The following NINJ2 variants were observed in gnomAD, a reference collection of about 807,000 sequenced individuals.
NINJ2 encodes the protein ninjurin-2.
A neutral mutation model predicts 11.7 loss-of-function variants in NINJ2; 12 were observed. That is an observed-to-expected ratio of 1.02 (90% confidence interval 0.66 to 1.66). The LOEUF is 1.66. Among genes scored for constraint, NINJ2 ranks in the 40% most tolerant of loss-of-function variants. NINJ2 has a pLI of 0.00. For synonymous variants in NINJ2, 93 were observed against 76.8 expected (o/e 1.21, Z -1.10); for missense variants, 187 against 181.8 (o/e 1.03, Z -0.16).
At chr12:660,553 A>G (rs1937944741) in intron 1 of NINJ2, among the ~76,000 whole-genome samples, 1 of 151,764 alleles carries the variant, frequency 6.6e-6, no homozygotes, top group Non-Finnish European at 1.5e-5. Context: ...GTTGGCCAGG[A>G]TGGTCTGCAA....
Position 580,793 on chromosome 12 carries a change from T to C in NINJ2, c.34-14615A>G, listed in dbSNP as rs374942186. 1.6e-3 allele frequency among the ~76,000 whole-genome samples: 245 copies of C among 152,144 alleles called. No homozygotes were observed. The highest frequency in any genetic ancestry group is 2.7e-3 in the Non-Finnish European group (184 of 67,998). On this transcript the variant is annotated intron_variant, in intron 1 of 3. Transcript: ENST00000305108. The surrounding 1 kb of genome is among the most constrained non-coding windows in gnomAD (Gnocchi z 4.7). ...ATGCCACGGCAGCCACAATGTGTTTTCTGTGTGTGTGTGTCTGTGTGTATG... is the reference window on the plus strand; with the variant it reads ...ATGCCACGGCAGCCACAATGTGTTTCCTGTGTGTGTGTGTCTGTGTGTATG...
chr12:596,397 TC>T (rs1019834608), intron 1 of NINJ2, among the ~76,000 whole-genome samples: 1 of 152,178 alleles, frequency 6.6e-6, no homozygotes, highest in African/African-American at 2.4e-5. Context: ...CAACGCAGCT[TC>T]ATTAGCTGCA....
chr12:658,257 G>A (rs190720293), intron 1 of NINJ2, among the ~76,000 whole-genome samples: 3 of 152,020 alleles, frequency 2.0e-5, no homozygotes, highest in East Asian at 1.9e-4. Flanking sequence ...CACTCACCTC[G>A]GCCTCCCAAA....
rs1170975300 is a variant in NINJ2 at position 566,181 on chromosome 12, G to C, written c.34-3C>G. ...CTCCTGGGGTCGGAGCTTCCAGGCTGTAGGGGAGAAAGCACAGACTTACCA... is the reference window on the plus strand; with the variant it reads ...CTCCTGGGGTCGGAGCTTCCAGGCTCTAGGGGAGAAAGCACAGACTTACCA... On this transcript the variant is annotated splice_region_variant and splice_polypyrimidine_tract_variant and intron_variant, in intron 1 of 3. Transcript: ENST00000305108. 6.2e-7 allele frequency: 1 copy of C among 1,611,760 alleles called. No individual in the cohort carries two copies.
chr12:594,162 C>G (rs1240420377), intron 1 of NINJ2, among the ~76,000 whole-genome samples: 1 of 152,084 alleles, frequency 6.6e-6, no homozygotes, highest in African/African-American at 2.4e-5. Context: ...TCACAGATGA[C>G]AAGATTGTCT....
intron 2 of NINJ2, 31 bp from the exon 3 acceptor site, chr12:565,432 C>A: frequency 6.2e-7 from 1 of 1,607,166 alleles, no homozygotes; most frequent in Non-Finnish European, 8.5e-7. Context: ...GGGAAAGGGT[C>A]AGAGACGGGG....
chr12:596,185 G>A (rs919998370), intron 1 of NINJ2, among the ~76,000 whole-genome samples: 7 of 152,214 alleles, frequency 4.6e-5, no homozygotes, highest in South Asian at 2.1e-4. Context: ...CAAAACTTAC[G>A]TTCACACAAA....
rs1294645025 is a variant in NINJ2 at position 565,308 on chromosome 12, T to C, written c.356A>G (p.Asn119Ser). Residue 119 changes from asparagine (N) to serine (S), a missense_variant, in exon 3 of 4, where the codon AAT becomes AGT. Physicochemically the swap from Asn to Ser is conservative, Grantham distance 46. Transcript: ENST00000305108. Reference protein sequence around the residue: ...TILVFFTVVINVFITAFGAHK... With the variant: ...TILVFFTVVISVFITAFGAHK... ...TGCCCCGAAGGCTGTAATGAAAACA[T>C]TGATGACCACAGTGAAGAAGACCAA... 3 of 1,614,062 alleles carry C rather than the reference T, an allele frequency of 1.9e-6. No homozygotes were observed. The highest frequency in any genetic ancestry group is 2.7e-5 in the African/African-American group (2 of 74,908).
rs145134796 is a variant in NINJ2, at chr12:646,216, C to T, written c.33+17112G>A. Among the ~76,000 whole-genome samples, 563 of 152,318 alleles carry T rather than the reference C, an allele frequency of 3.7e-3. 4 individuals carry two copies. The highest frequency in any genetic ancestry group is 0.013 in the African/African-American group (539 of 41,562). On this transcript the variant is annotated intron_variant, in intron 1 of 3. Coordinates refer to ENST00000305108, the MANE Select transcript of NINJ2 (RefSeq NM_016533.6). ...GTGCTCCCCTCCATCCTACCTGCCTCCTCTTCAGGCTACTCCATAGCCCCC... is the reference window on the plus strand; with the variant it reads ...GTGCTCCCCTCCATCCTACCTGCCTTCTCTTCAGGCTACTCCATAGCCCCC...
intron 2 of NINJ2, chr12:565,626 G>C: frequency 1.6e-6 from 1 of 612,892 alleles, no homozygotes. Context: ...AACTTAAGCT[G>C]GGTCCTGTAA....
chr12:588,769 G>A (rs1346635734), intron 1 of NINJ2, among the ~76,000 whole-genome samples: 5 of 152,132 alleles, frequency 3.3e-5, no homozygotes, highest in Non-Finnish European at 7.4e-5. Context: ...CAGAAAAACT[G>A]AGTACAAACA....
chr12:659,564 C>T (rs1937928981), intron 1 of NINJ2, among the ~76,000 whole-genome samples: 1 of 152,178 alleles, frequency 6.6e-6, no homozygotes, highest in African/African-American at 2.4e-5. Flanking sequence ...GGCTTGGAGG[C>T]CACAGCCACA....
intron 1 of NINJ2, among the ~76,000 whole-genome samples, chr12:592,621 AC>A (rs1947732190): frequency 1.3e-5 from 2 of 152,070 alleles, no homozygotes; most frequent in African/African-American, 4.8e-5. Flanking sequence ...AATCGCTTGA[AC>A]CCAGGAGGTG....
chr12:606,687 C>A (rs1033289036), intron 1 of NINJ2, among the ~76,000 whole-genome samples: 2 of 152,200 alleles, frequency 1.3e-5, no homozygotes, highest in African/African-American at 4.8e-5. Flanking sequence ...TATACTCAAC[C>A]CACTAGCAAT....
chr12:569,973 C>CG (rs201278410), intron 1 of NINJ2, among the ~76,000 whole-genome samples: 1,728 of 152,264 alleles, frequency 0.011, 18 homozygotes, highest in Non-Finnish European at 0.017. Flanking sequence ...CCGCGGCTGC[C>CG]GGGGGGCGTT....
At chr12:617,996 TG>T (rs1458168837) in intron 1 of NINJ2, among the ~76,000 whole-genome samples, 1 of 151,850 alleles carries the variant, frequency 6.6e-6, no homozygotes, top group Non-Finnish European at 1.5e-5. Context: ...CGTACTCTGG[TG>T]GTCTGAAAGG....
rs1005620615 is a variant in NINJ2, at chr12:581,101, G to A, written c.34-14923C>T. Among the ~76,000 whole-genome samples, 9 of 149,444 alleles carry A rather than the reference G, an allele frequency of 6.0e-5. No individual in the cohort carries two copies. Among genetic ancestry groups the A allele is most frequent in the Non-Finnish European group, 5.9e-5 (4 of 67,486 alleles). On this transcript the variant is annotated intron_variant, in intron 1 of 3. Transcript: ENST00000305108. The surrounding 1 kb of genome is among the most constrained non-coding windows in gnomAD (Gnocchi z 4.9). ...TCTGTGTGTGTGTGCATGTGTCTCT[G>A]TGTGTCTGTGTCTGTGTGTGCGTGT... is the stretch of plus-strand genomic sequence containing the variant.
At chr12:627,133 T>G (rs1948219068) in intron 1 of NINJ2, among the ~76,000 whole-genome samples, 1 of 152,140 alleles carries the variant, frequency 6.6e-6, no homozygotes, top group African/African-American at 2.4e-5. Flanking sequence ...AATACAGTAA[T>G]GGCCCATAGC....
At chr12:569,979 G>A (rs757215197) in intron 1 of NINJ2, among the ~76,000 whole-genome samples, 1 of 152,202 alleles carries the variant, frequency 6.6e-6, no homozygotes, top group South Asian at 2.1e-4. Flanking sequence ...CTGCCGGGGG[G>A]CGTTTCCACC....
Sources: allele counts gnomAD v4.1 joint callset (sites outside exome capture counted in the v4.1 genomes callset), GRCh38; gene constraint gnomAD v4.1.1; non-coding constraint Gnocchi (gnomAD v3.1); transcripts MANE v1.5; gene names NCBI Gene and HGNC (gene_info 2026-07-23, HGNC 2026-07-21).